Variants in CCDC134 observed in about 807,000 individuals in gnomAD.
CCDC134 encodes coiled-coil domain-containing protein 134.
In CCDC134, 27 loss-of-function variants were observed where a neutral mutation model predicts 25.6. The observed-to-expected ratio is 1.05, with a 90% CI of 0.78 to 1.45. The LOEUF is 1.45. CCDC134 is among the 40% of genes most tolerant of loss of function. The pLI, the probability that CCDC134 is intolerant of heterozygous loss-of-function variation, is 0.00. For missense variants in CCDC134, 261 were observed against 286.7 expected (o/e 0.91, Z 0.65); for synonymous variants, 110 against 115.0 (o/e 0.96, Z 0.28).
Position 41,825,673 on chromosome 22 carries a change from C to G in CCDC134, c.565-25C>G. ...GGCTCTTTGCTGCCACAGACTAAAT[C>G]AGACTGCTCTTCTCTTCCCTTCAGT... On this transcript the variant is annotated intron_variant, in intron 6 of 6. Transcript: ENST00000255784. This position sits in a 1 kb window ranked among gnomAD's most constrained non-coding sequence, Gnocchi z 4.4. The G allele has an allele frequency of 1.9e-6, 3 of 1,613,536 alleles. No homozygotes were observed. In the South Asian group the frequency reaches 3.3e-5, roughly 18 times the overall value.
intron 6 of CCDC134, among the ~76,000 whole-genome samples, chr22:41,814,434 G>A (rs2076612889): frequency 6.6e-6 from 1 of 152,172 alleles, no homozygotes; most frequent in Non-Finnish European, 1.5e-5. Context: ...AGGCGTGGTG[G>A]TGCATGCCTG....
At chr22:41,822,608 C>T (rs1333371635) in intron 6 of CCDC134, among the ~76,000 whole-genome samples, 1 of 152,180 alleles carries the variant, frequency 6.6e-6, no homozygotes, top group Non-Finnish European at 1.5e-5. Flanking sequence ...GTGTGTTTCT[C>T]TTCTGACCCG....
At position 41,809,932 on chromosome 22, in the gene CCDC134, C is replaced by A. The variant is rs768777453; in HGVS notation, c.157C>A (p.Leu53Met). Reference sequence around the variant, plus strand: ...GGAGCAGCTGTTGGCACTGAAGAACCTGGCACAGCTGAACGACATCCACCA... The same window carrying A: ...GGAGCAGCTGTTGGCACTGAAGAACATGGCACAGCTGAACGACATCCACCA... ...RREQLLALKN[L>M]AQLNDIHQQY... Residue 53 changes from leucine (L) to methionine (M), a missense_variant, in exon 3 of 7, where the codon CTG becomes ATG. Physicochemically the swap from Leu to Met is conservative, Grantham distance 15. Coordinates refer to ENST00000255784, the MANE Select transcript of CCDC134 (RefSeq NM_024821.5). 3 of 1,614,024 alleles carry A rather than the reference C, an allele frequency of 1.9e-6. No homozygotes were observed. The highest frequency in any genetic ancestry group is 2.5e-6 in the Non-Finnish European group (3 of 1,180,032).
chr22:41,828,573 C>T lies in CCDC134; in HGVS notation c.*2750C>T, dbSNP rs996375365. 6.6e-6 allele frequency among the ~76,000 whole-genome samples: 1 copy of T among 152,146 alleles called. No individual in the cohort carries two copies. Among genetic ancestry groups the T allele is most frequent in the African/African-American group, 2.4e-5 (1 of 41,428 alleles). ...AAGAAACAAATAGAACTACTCCACT[C>T]GCTCCCTCTCTCCCTCCCTTTACTG... On this transcript the variant is annotated 3_prime_UTR_variant, in exon 7 of 7. Coordinates refer to ENST00000255784, the MANE Select transcript of CCDC134 (RefSeq NM_024821.5).
intron 1 of CCDC134, among the ~76,000 whole-genome samples, chr22:41,806,678 G>GT (rs373718298): frequency 1.2e-3 from 189 of 152,258 alleles, no homozygotes; most frequent in African/African-American, 4.3e-3. Context: ...TGAAAAAGTT[G>GT]TGAATTTCAT....
chr22:41,804,706 T>A (rs1363758809), intron 1 of CCDC134, among the ~76,000 whole-genome samples: 2 of 152,214 alleles, frequency 1.3e-5, no homozygotes, highest in African/African-American at 4.8e-5. Context: ...AGGCTTTCTA[T>A]GTACATTCTC....
chr22:41,802,108 T>G (rs2076546474), intron 1 of CCDC134, among the ~76,000 whole-genome samples: 1 of 152,210 alleles, frequency 6.6e-6, no homozygotes, highest in Admixed American at 6.5e-5. Context: ...TTATCAGTCA[T>G]TTGTGCATAA....
chr22:41,809,476 CTG>C (rs1320637467), intron 2 of CCDC134, among the ~76,000 whole-genome samples: 1 of 152,122 alleles, frequency 6.6e-6, no homozygotes, highest in Non-Finnish European at 1.5e-5. Context: ...GGGAGAAACA[CTG>C]TGTGATGGTT....
chr22:41,817,577 C>T (rs2076628657), intron 6 of CCDC134, among the ~76,000 whole-genome samples: 1 of 151,834 alleles, frequency 6.6e-6, no homozygotes, highest in Non-Finnish European at 1.5e-5. Context: ...ACTAAAAATA[C>T]AAAAATTAGC....
chr22:41,805,050 CAG>C (rs1602233680), intron 1 of CCDC134, among the ~76,000 whole-genome samples: 1 of 152,040 alleles, frequency 6.6e-6, no homozygotes, highest in African/African-American at 2.4e-5. Flanking sequence ...GCCTGAGCAA[CAG>C]AGTGAGACTC....
At chr22:41,819,884 C>T (rs1217262918) in intron 6 of CCDC134, among the ~76,000 whole-genome samples, 1 of 147,866 alleles carries the variant, frequency 6.8e-6, no homozygotes, top group Admixed American at 6.8e-5. Flanking sequence ...TAGGCCTGAT[C>T]CTGAGACCCT....
chr22:41,819,342 T>G (rs2076637844), intron 6 of CCDC134, among the ~76,000 whole-genome samples: 1 of 152,166 alleles, frequency 6.6e-6, no homozygotes, highest in African/African-American at 2.4e-5. Flanking sequence ...CCGGTGTAAC[T>G]GTTATACTGG....
intron 6 of CCDC134, among the ~76,000 whole-genome samples, chr22:41,814,773 C>T (rs557245020): frequency 1.3e-5 from 2 of 152,238 alleles, no homozygotes; most frequent in East Asian, 3.9e-4. Context: ...GTTTCATGGA[C>T]ACTGATAGGT....
chr22:41,804,803 C>T (rs987089520), intron 1 of CCDC134, among the ~76,000 whole-genome samples: 5 of 152,252 alleles, frequency 3.3e-5, no homozygotes, highest in African/African-American at 1.2e-4. Flanking sequence ...GGCACAGTGG[C>T]TCACGCCTGT....
intron 1 of CCDC134, among the ~76,000 whole-genome samples, chr22:41,808,664 T>C (rs778466876): frequency 6.6e-6 from 1 of 152,176 alleles, no homozygotes; most frequent in Non-Finnish European, 1.5e-5. Flanking sequence ...CACACACTTA[T>C]CTTTCTCCCC....
chr22:41,810,705 A>G (rs1602237707), intron 4 of CCDC134, among the ~76,000 whole-genome samples: 1 of 152,008 alleles, frequency 6.6e-6, no homozygotes, highest in African/African-American at 2.4e-5. Context: ...CATGTTGGCC[A>G]GGATGGTCTC....
chr22:41,815,891 C>G (rs2076620611), intron 6 of CCDC134, among the ~76,000 whole-genome samples: 1 of 152,178 alleles, frequency 6.6e-6, no homozygotes, highest in South Asian at 2.1e-4. Context: ...CTCAAGCCAT[C>G]TTCCTGTCTC....
intron 6 of CCDC134, among the ~76,000 whole-genome samples, chr22:41,818,905 T>G (rs890722730): frequency 6.6e-6 from 1 of 152,230 alleles, no homozygotes; most frequent in Non-Finnish European, 1.5e-5. Flanking sequence ...CAGTTCTTCT[T>G]GCTATGCAGG....
At chr22:41,816,491 C>T (rs2076623396) in intron 6 of CCDC134, among the ~76,000 whole-genome samples, 1 of 152,208 alleles carries the variant, frequency 6.6e-6, no homozygotes, top group African/African-American at 2.4e-5. Flanking sequence ...ATGAGACACC[C>T]AACAGTTGGC....
Sources: allele counts gnomAD v4.1 joint callset (sites outside exome capture counted in the v4.1 genomes callset), GRCh38; gene constraint gnomAD v4.1.1; non-coding constraint Gnocchi (gnomAD v3.1); transcripts MANE v1.5; gene names NCBI Gene and HGNC (gene_info 2026-07-23, HGNC 2026-07-21).